The following AOPEP variants were observed in gnomAD, a reference collection of about 807,000 sequenced individuals.
AOPEP encodes aminopeptidase O (putative).
A neutral mutation model predicts 98.1 loss-of-function variants in AOPEP; 77 were observed. That is an observed-to-expected ratio of 0.78 (90% CI 0.65 to 0.95). AOPEP has a LOEUF of 0.95. Among genes scored for constraint, AOPEP ranks in the 40% least tolerant of loss-of-function variants. The pLI, the probability that AOPEP is intolerant of heterozygous loss-of-function variation, is 0.00. For missense variants in AOPEP, 1,024 were observed against 1,024.7 expected (o/e 1.00, Z 0.01); for synonymous variants, 346 against 365.3 (o/e 0.95, Z 0.60).
rs1295314948 is a variant in AOPEP at position 94,993,684 on chromosome 9, G to T, written c.1978-11474G>T. Among the ~76,000 whole-genome samples the T allele has an allele frequency of 3.3e-5, 5 of 152,130 alleles. No individual in the cohort carries two copies. The East Asian group carries it at 9.6e-4, about 29-fold the overall frequency. On this transcript the variant is annotated intron_variant, in intron 11 of 16. Transcript: ENST00000375315. ...GGAGTTTCAAACCGCACTGAGAGAC[G>T]TAGATCAGATGGTTTTCCGTAAGAG...
intron 5 of AOPEP, among the ~76,000 whole-genome samples, chr9:94,909,108 G>A (rs1006700732): frequency 2.6e-5 from 4 of 152,082 alleles, no homozygotes; most frequent in African/African-American, 7.2e-5. Context: ...CGTGAGCAGC[G>A]TTCACAGTGA....
At chr9:95,096,681 A>C in the AOPEP span, among the ~76,000 whole-genome samples, 1 of 152,050 alleles carries the variant, frequency 6.6e-6, no homozygotes, top group African/African-American at 2.4e-5. Context: ...GTGAGCTGGG[A>C]GGAGGTCGGC....
intron 7 of AOPEP, chr9:94,934,852 A>T (rs1404094398): frequency 2.0e-5 from 3 of 152,226 alleles, no homozygotes; most frequent in African/African-American, 7.3e-5. Flanking sequence ...TTCAGAGCTG[A>T]TCTTCCTCGG....
chr9:94,973,596 G>T (rs1049495171), intron 10 of AOPEP, among the ~76,000 whole-genome samples: 1 of 152,160 alleles, frequency 6.6e-6, no homozygotes, highest in African/African-American at 2.4e-5. Flanking sequence ...TAGGATGTGG[G>T]GGTGCACCAG....
At chr9:95,006,026 TAGAGAG>T (rs150767688) in intron 13 of AOPEP, 1 of 475,116 alleles carries the variant, frequency 2.1e-6, no homozygotes, top group Non-Finnish European at 4.4e-6. Context: ...ATCTAAGAAA[TAGAGAG>T]AGAAGAAGAA....
chr9:95,044,699 G>T (rs531936582), intron 13 of AOPEP, among the ~76,000 whole-genome samples: 3 of 152,264 alleles, frequency 2.0e-5, no homozygotes, highest in African/African-American at 7.2e-5. Flanking sequence ...CTGGAAATGA[G>T]CATAGTGACC....
At chr9:95,107,630 C>T in the AOPEP span, 1 of 402,196 alleles carries the variant, frequency 2.5e-6, no homozygotes, top group Non-Finnish European at 4.7e-6. Flanking sequence ...AGCCACAAAT[C>T]AATTAAAGCC....
chr9:95,088,202 C>CTT (rs199845401), downstream of AOPEP, among the ~76,000 whole-genome samples: 1 of 148,088 alleles, frequency 6.8e-6, no homozygotes, highest in Non-Finnish European at 1.5e-5. Flanking sequence ...GTGCTGCTGC[C>CTT]TTTTTTTTTT....
In AOPEP at chr9:95,082,664, G is replaced by C. The variant is rs1564617891; in HGVS notation, c.2409G>C (p.Lys803Asn). The C allele has an allele frequency of 1.2e-6, 2 of 1,614,250 alleles. No homozygotes were observed. The highest frequency in any genetic ancestry group is 2.7e-5 in the African/African-American group (2 of 75,058). The change falls in exon 16 of 17, where the codon AAG (lysine) becomes AAC (asparagine). Residue 803 changes from lysine (K) to asparagine (N), a missense_variant. Lys to Asn is a moderately conservative substitution (Grantham distance 94). Coordinates refer to ENST00000375315, the MANE Select transcript of AOPEP (RefSeq NM_001193329.3). Reference sequence around the variant, plus strand: ...CCCGTAGGTGCTTCGAGCGGACCAAGGAGCAGATGGATAGGTCCTCAGCCC... The same window carrying C: ...CCCGTAGGTGCTTCGAGCGGACCAACGAGCAGATGGATAGGTCCTCAGCCC... ...QLARRCFERT[K>N]EQMDRSSAQV...
At chr9:94,838,991 A>T (rs562115660) in intron 5 of AOPEP, among the ~76,000 whole-genome samples, 3 of 147,576 alleles carry the variant, frequency 2.0e-5, no homozygotes, top group African/African-American at 7.6e-5. Flanking sequence ...GCTCACTGCA[A>T]CCGCTGCCTC....
intron 3 of AOPEP, among the ~76,000 whole-genome samples, chr9:94,787,038 A>G (rs1284654504): frequency 1.3e-5 from 2 of 152,250 alleles, no homozygotes; most frequent in African/African-American, 4.8e-5. Context: ...AATCATCTTG[A>G]GCACTTAAAG....
chr9:94,745,449 G>A (rs1834257742), intron 1 of AOPEP, among the ~76,000 whole-genome samples: 1 of 151,792 alleles, frequency 6.6e-6, no homozygotes, highest in Admixed American at 6.6e-5. Context: ...CTAATTTTTT[G>A]TATTTTTAGT....
At chr9:95,004,447 AG>A (rs988253976) in intron 11 of AOPEP, among the ~76,000 whole-genome samples, 2 of 150,886 alleles carry the variant, frequency 1.3e-5, no homozygotes, top group Non-Finnish European at 3.0e-5. Flanking sequence ...GCCCCCCGGG[AG>A]GTCACCTGCC....
chr9:94,727,340 GATA>G (rs1829436921), intron 1 of AOPEP, among the ~76,000 whole-genome samples: 1 of 152,172 alleles, frequency 6.6e-6, no homozygotes, highest in Non-Finnish European at 1.5e-5. Flanking sequence ...TATCTATTGT[GATA>G]ATAAAATATC....
chr9:95,107,244 T>C, the AOPEP span: 5 of 1,614,012 alleles, frequency 3.1e-6, no homozygotes, highest in Non-Finnish European at 4.2e-6. Context: ...TGCCAGGAGG[T>C]GGCCCAGCAC....
intron 5 of AOPEP, among the ~76,000 whole-genome samples, chr9:94,893,976 T>C (rs2049165541): frequency 6.6e-6 from 1 of 152,134 alleles, no homozygotes; most frequent in Non-Finnish European, 1.5e-5. Flanking sequence ...GGTAATAAAA[T>C]GAGGAAATAA....
At chr9:94,847,166 T>A (rs1244373850) in intron 5 of AOPEP, among the ~76,000 whole-genome samples, 5 of 108,266 alleles carry the variant, frequency 4.6e-5, no homozygotes, top group Non-Finnish European at 1.1e-4. Flanking sequence ...TCTCTGTCTC[T>A]CTCTCTCTCT....
At chr9:94,813,531 G>C (rs1199800200) in intron 5 of AOPEP, among the ~76,000 whole-genome samples, 1 of 152,218 alleles carries the variant, frequency 6.6e-6, no homozygotes, top group Non-Finnish European at 1.5e-5. Flanking sequence ...TCACCAGCCT[G>C]TGCTAAGACC....
At chr9:94,760,723 C>T in intron 2 of AOPEP, 143 bp downstream of exon 2, 2 of 590,852 alleles carry the variant, frequency 3.4e-6, no homozygotes, top group Non-Finnish European at 5.5e-6. Flanking sequence ...CTTAGACCTA[C>T]AGTGAAGCAG....
Sources: allele counts gnomAD v4.1 joint callset (sites outside exome capture counted in the v4.1 genomes callset), GRCh38; gene constraint gnomAD v4.1.1; transcripts MANE v1.5; gene names NCBI Gene and HGNC (gene_info 2026-07-23, HGNC 2026-07-21).